Variants in ERC2 observed in about 807,000 individuals in gnomAD.
ERC2 encodes ERC protein 2.
In ERC2, 42 loss-of-function variants were observed where a neutral mutation model predicts 114.8. That is an observed-to-expected ratio of 0.37 (90% CI 0.29 to 0.47). ERC2 has a LOEUF of 0.47. Ranked by LOEUF, ERC2 falls within the 20% of genes least tolerant of loss-of-function variation. The probability of loss-of-function intolerance (pLI) is 0.99; values close to 1 mark genes in which losing one functional copy is unlikely to be tolerated. For synonymous variants in ERC2, 454 were observed against 425.5 expected, an observed-to-expected ratio of 1.07 and a Z score of -0.82; for missense variants, 939 against 1,150.7, an observed-to-expected ratio of 0.82 and a Z score of 2.66.
chr3:56,018,282 T>C (rs542751157), intron 8 of ERC2, among the ~76,000 whole-genome samples: 29 of 152,318 alleles, frequency 1.9e-4, no homozygotes, highest in Admixed American at 3.3e-4. Context: ...GTATCAGACC[T>C]AGGATTTGAT....
chr3:55,554,380 T>A (rs1207290476), intron 17 of ERC2, among the ~76,000 whole-genome samples: 1 of 152,230 alleles, frequency 6.6e-6, no homozygotes, highest in Non-Finnish European at 1.5e-5. Context: ...ATGACATCCT[T>A]AACAAGTAGA....
At chr3:56,102,209 C>T (rs927899046) in intron 6 of ERC2, among the ~76,000 whole-genome samples, 4 of 152,118 alleles carry the variant, frequency 2.6e-5, no homozygotes, top group Admixed American at 6.5e-5. Context: ...CTGGGTGGGA[C>T]GGGGTGGACT....
chr3:55,684,321 C>T (rs1469161187), intron 16 of ERC2, among the ~76,000 whole-genome samples: 3 of 148,566 alleles, frequency 2.0e-5, no homozygotes, highest in Non-Finnish European at 4.5e-5. Flanking sequence ...CACACACACA[C>T]GCACACACAC....
At chr3:55,638,836 T>C (rs1191252782) in intron 17 of ERC2, among the ~76,000 whole-genome samples, 1 of 152,250 alleles carries the variant, frequency 6.6e-6, no homozygotes, top group Non-Finnish European at 1.5e-5. Flanking sequence ...TCTTTATTTC[T>C]ACTCACCAAA....
At chr3:56,395,473 A>G (rs906355116) in intron 2 of ERC2, among the ~76,000 whole-genome samples, 10 of 152,148 alleles carry the variant, frequency 6.6e-5, no homozygotes, top group African/African-American at 9.7e-5. Context: ...GTAAACCCCA[A>G]TGCTGGAGGT....
At chr3:55,577,876 G>A (rs189612163) in intron 17 of ERC2, among the ~76,000 whole-genome samples, 1 of 152,340 alleles carries the variant, frequency 6.6e-6, no homozygotes, top group Admixed American at 6.5e-5. Context: ...GACTGCCACA[G>A]TATGAGTTGG....
intron 17 of ERC2, among the ~76,000 whole-genome samples, chr3:55,547,818 C>G (rs1197266036): frequency 6.6e-6 from 1 of 152,152 alleles, no homozygotes; most frequent in Non-Finnish European, 1.5e-5. Flanking sequence ...TTTATAAGAC[C>G]CTCAACAAAC....
At chr3:55,923,161 A>C (rs748242543) in intron 13 of ERC2, among the ~76,000 whole-genome samples, 1 of 152,160 alleles carries the variant, frequency 6.6e-6, no homozygotes, top group Non-Finnish European at 1.5e-5. Context: ...GAATAAACAA[A>C]ATGTGATATA....
intron 1 of ERC2, among the ~76,000 whole-genome samples, chr3:56,454,464 C>G (rs1314644433): frequency 6.6e-6 from 1 of 152,158 alleles, no homozygotes; most frequent in Non-Finnish European, 1.5e-5. Context: ...AATCTGACAG[C>G]TATTTATACA....
chr3:56,243,525 T>C (rs970588993), intron 3 of ERC2, among the ~76,000 whole-genome samples: 6 of 152,060 alleles, frequency 3.9e-5, no homozygotes, highest in African/African-American at 1.4e-4. Context: ...ACAAGGACAA[T>C]GTTGTGTCAT....
intron 17 of ERC2, among the ~76,000 whole-genome samples, chr3:55,578,560 A>G (rs960358647): frequency 1.3e-5 from 2 of 152,228 alleles, no homozygotes; most frequent in African/African-American, 4.8e-5. Flanking sequence ...CTCTCCTTAT[A>G]AAAAATACAG....
At position 55,509,016 on chromosome 3, in the gene ERC2, T is replaced by C. The variant is rs1380175196; in HGVS notation, c.*2300A>G. ...TTCTTAATATGTGAAAAAGGGATATTTTTGGTAACCCCCAAACATCAGAGA... is the reference window on the plus strand; with the variant it reads ...TTCTTAATATGTGAAAAAGGGATATCTTTGGTAACCCCCAAACATCAGAGA... On this transcript the variant is annotated 3_prime_UTR_variant, in exon 18 of 18. Transcript: ENST00000288221. The C allele has an allele frequency of 6.6e-6, 1 of 152,660 alleles. No homozygotes were observed. Among genetic ancestry groups the C allele is most frequent in the Non-Finnish European group, 1.5e-5 (1 of 68,044 alleles). The allele number at this position is 152,660 out of a possible 1,614,324, so 9.5% of individuals were successfully genotyped here. A position where few individuals can be genotyped will look rare whatever the true frequency, so the allele number is the denominator to read the frequency against.
At chr3:55,835,711 C>T (rs541896359) in intron 14 of ERC2, among the ~76,000 whole-genome samples, 1 of 152,302 alleles carries the variant, frequency 6.6e-6, no homozygotes, top group East Asian at 1.9e-4. Flanking sequence ...GATGCCCTCT[C>T]TCACCACTCC....
intron 14 of ERC2, among the ~76,000 whole-genome samples, chr3:55,802,649 C>A (rs924457006): frequency 3.9e-5 from 6 of 152,134 alleles, no homozygotes; most frequent in African/African-American, 1.4e-4. Flanking sequence ...AACTCCTGTC[C>A]TATATTGAAA....
At chr3:55,857,985 T>C (rs1453849041) in intron 14 of ERC2, among the ~76,000 whole-genome samples, 1 of 152,164 alleles carries the variant, frequency 6.6e-6, no homozygotes, top group Non-Finnish European at 1.5e-5. Flanking sequence ...CCTCAAAAAA[T>C]ACAACAGAAC....
chr3:56,111,742 T>C (rs758200847), intron 6 of ERC2, among the ~76,000 whole-genome samples: 7 of 152,220 alleles, frequency 4.6e-5, no homozygotes, highest in Non-Finnish European at 8.8e-5. Flanking sequence ...CACTGAACCA[T>C]GTCACAGCTC....
At chr3:56,292,823 G>T (rs139449242) in intron 3 of ERC2, among the ~76,000 whole-genome samples, 126 of 152,154 alleles carry the variant, frequency 8.3e-4, no homozygotes, top group Middle Eastern at 3.4e-3. Flanking sequence ...CACATGGCTG[G>T]TCCTTTTGGT....
chr3:56,410,813 A>G (rs1334333048), intron 2 of ERC2, among the ~76,000 whole-genome samples: 1 of 152,130 alleles, frequency 6.6e-6, no homozygotes, highest in Non-Finnish European at 1.5e-5. Context: ...TGATTACAGC[A>G]GATATCATAC....
intron 14 of ERC2, among the ~76,000 whole-genome samples, chr3:55,757,276 A>G (rs1379639332): frequency 6.6e-6 from 1 of 152,114 alleles, no homozygotes; most frequent in Non-Finnish European, 1.5e-5. Context: ...ATTTACAAAA[A>G]ACACAGCACG....
Sources: gnomAD v4.1 joint callset for allele counts (sites outside exome capture counted in the v4.1 genomes callset) on GRCh38, gnomAD v4.1.1 for gene constraint, MANE v1.5 for transcripts, NCBI Gene and HGNC (gene_info 2026-07-23, HGNC 2026-07-21) for gene names.